OPRM1: variants seen among roughly 807,000 people sequenced by gnomAD.
The protein encoded by OPRM1 is opioid receptor mu 1, also known as mu-type opioid receptor.
Under a neutral mutation model 31.8 loss-of-function variants are expected in OPRM1, and 27 were observed. The ratio of observed to expected loss-of-function variants is 0.85; its 90% CI spans 0.63 to 1.17. The LOEUF is 1.17. OPRM1 is among the 50% of genes most tolerant of loss of function. The probability of loss-of-function intolerance (pLI) is 0.00; values close to 1 mark genes in which losing one functional copy is unlikely to be tolerated. For synonymous variants in OPRM1, 196 were observed against 189.9 expected, an observed-to-expected ratio of 1.03 and a Z score of -0.26; for missense variants, 536 against 511.1, an observed-to-expected ratio of 1.05 and a Z score of -0.47.
At chr6:154,169,775 T>G (rs1799727983) in intron 3 of OPRM1, among the ~76,000 whole-genome samples, 1 of 152,226 alleles carries the variant, frequency 6.6e-6, no homozygotes, top group Admixed American at 6.5e-5. Context: ...CAATGGCAGT[T>G]CCACCATTCT....
intron 3 of OPRM1, among the ~76,000 whole-genome samples, chr6:154,164,962 C>T (rs1799311465): frequency 1.3e-5 from 2 of 152,138 alleles, no homozygotes; most frequent in African/African-American, 4.8e-5. Context: ...TGCATTCATT[C>T]CAGTACTATC....
At chr6:154,092,540 G>A (rs1214529326) in intron 3 of OPRM1, among the ~76,000 whole-genome samples, 1 of 152,142 alleles carries the variant, frequency 6.6e-6, no homozygotes, top group Non-Finnish European at 1.5e-5. Flanking sequence ...AGATGGCTCC[G>A]GAGAAATGAA....
At chr6:154,227,554 G>A (rs1188787971) in intron 3 of OPRM1, among the ~76,000 whole-genome samples, 1 of 151,936 alleles carries the variant, frequency 6.6e-6, no homozygotes, top group African/African-American at 2.4e-5. Flanking sequence ...TCCCATCTCT[G>A]CAAAAGTATA....
At chr6:154,133,852 A>G (rs1797990966), downstream of OPRM1, among the ~76,000 whole-genome samples, 2 of 152,326 alleles carry the variant, frequency 1.3e-5, no homozygotes, top group East Asian at 3.9e-4. Context: ...TTGACCCTTT[A>G]CATTTCTGTA....
chr6:154,074,853 T>A (rs1339886679), intron 1 of OPRM1, among the ~76,000 whole-genome samples: 1 of 151,616 alleles, frequency 6.6e-6, no homozygotes, highest in Admixed American at 6.6e-5. Context: ...ACACAAAAGA[T>A]ACTAGAAGGA....
At chr6:154,209,915 A>G (rs1319155776) in intron 3 of OPRM1, among the ~76,000 whole-genome samples, 1 of 152,254 alleles carries the variant, frequency 6.6e-6, no homozygotes, top group Non-Finnish European at 1.5e-5. Flanking sequence ...AAAAATGCTC[A>G]ACTTAGAACT....
In OPRM1 at chr6:154,168,171, G is replaced by C; in HGVS notation, c.1164+76699G>C. On this transcript the variant is annotated intron_variant, in intron 3 of 3. Coordinates refer to the OPRM1 transcript ENST00000337049. This position sits in a 1 kb window ranked among gnomAD's most constrained non-coding sequence, Gnocchi z 4.1. ...TAAACCCAGTGAAAAATCAAGGAGA[G>C]AACATTCAATACTGTGGTCCCAAGG... The C allele has an allele frequency of 7.4e-7, 1 of 1,343,026 alleles. No individual in the cohort carries two copies. Among genetic ancestry groups the C allele is most frequent in the Non-Finnish European group, 1.0e-6 (1 of 983,080 alleles). 83.2% of individuals were successfully genotyped at this position (1,343,026 alleles called of 1,614,324 possible). A position where few individuals can be genotyped will look rare whatever the true frequency, so the allele number is the denominator to read the frequency against.
At chr6:154,156,781 G>C (rs1798734646) in intron 3 of OPRM1, 1 of 152,196 alleles carries the variant, frequency 6.6e-6, no homozygotes, top group Non-Finnish European at 1.5e-5. Flanking sequence ...GCAGGGCTCA[G>C]AGTGTCTATT....
chr6:154,022,835 C>A lies in OPRM1; in HGVS notation c.-1+11817C>A, dbSNP rs187649247. The stretch of plus-strand genomic sequence containing the variant: ...TTTCTCCCAATGTATGTTCTTGACA[C>A]CTTTGTAAAAAACTGAGTTCACTGT... On this transcript the variant is annotated intron_variant, in intron 1 of 5. Coordinates refer to the OPRM1 transcript ENST00000434900. Among the ~76,000 whole-genome samples, 41 of 151,924 alleles carry A rather than the reference C, an allele frequency of 2.7e-4. 2 individuals are homozygous for A. In the South Asian group the frequency reaches 4.8e-3, roughly 18 times the overall value.
chr6:154,191,675 AC>A (rs1801899259), intron 3 of OPRM1, among the ~76,000 whole-genome samples: 1 of 19,650 alleles, frequency 5.1e-5, no homozygotes, highest in African/African-American at 3.5e-4. Flanking sequence ...CTTTGCCTCA[AC>A]AACAACAACA....
At chr6:154,145,899 A>G (rs1176527008) in intron 3 of OPRM1, among the ~76,000 whole-genome samples, 1 of 152,246 alleles carries the variant, frequency 6.6e-6, no homozygotes, top group Non-Finnish European at 1.5e-5. Flanking sequence ...GTTTTCAACA[A>G]ATGGTGCTGG....
At chr6:154,224,949 A>G (rs1250592762) in intron 3 of OPRM1, among the ~76,000 whole-genome samples, 1 of 152,200 alleles carries the variant, frequency 6.6e-6, no homozygotes, top group African/African-American at 2.4e-5. Context: ...TGTACAATGC[A>G]CAGTGCTTCC....
At chr6:154,047,684 C>A (rs1482818203) in intron 1 of OPRM1, among the ~76,000 whole-genome samples, 1 of 152,110 alleles carries the variant, frequency 6.6e-6, no homozygotes, top group Non-Finnish European at 1.5e-5. Context: ...GGATATGTGT[C>A]TGTCCAGGCA....
At chr6:154,034,777 C>T (rs1052138845), upstream of OPRM1, among the ~76,000 whole-genome samples, 4 of 152,104 alleles carry the variant, frequency 2.6e-5, no homozygotes, top group Non-Finnish European at 5.9e-5. Flanking sequence ...TGGCAAACCT[C>T]TGTAACTGGA....
At chr6:154,102,043 G>A (rs920250697) in intron 3 of OPRM1, among the ~76,000 whole-genome samples, 1 of 152,086 alleles carries the variant, frequency 6.6e-6, no homozygotes, top group Admixed American at 6.6e-5. Context: ...AGGCTCCAGT[G>A]ATCCTCCTGC....
chr6:154,103,036 C>T (rs555162533), intron 3 of OPRM1, among the ~76,000 whole-genome samples: 45 of 151,618 alleles, frequency 3.0e-4, no homozygotes, highest in African/African-American at 9.9e-4. Context: ...GCTTGAGACA[C>T]TATTAAGAAA....
intron 1 of OPRM1, among the ~76,000 whole-genome samples, chr6:154,033,739 T>A (rs762912657): frequency 6.6e-6 from 1 of 152,208 alleles, no homozygotes; most frequent in Non-Finnish European, 1.5e-5. Context: ...AGCTGAGACA[T>A]TTTTATGATG....
intron 3 of OPRM1, among the ~76,000 whole-genome samples, chr6:154,197,468 C>T (rs1776707037): frequency 6.6e-6 from 1 of 152,104 alleles, no homozygotes; most frequent in Non-Finnish European, 1.5e-5. Context: ...GCCAACAAAT[C>T]AATGAGAGAA....
At chr6:154,139,845 G>A (rs1005173521) in intron 3 of OPRM1, among the ~76,000 whole-genome samples, 1 of 152,084 alleles carries the variant, frequency 6.6e-6, no homozygotes, top group Non-Finnish European at 1.5e-5. Flanking sequence ...TATATGAAAT[G>A]GAAGACATGA....
Sources: gnomAD v4.1 joint callset for allele counts (sites outside exome capture counted in the v4.1 genomes callset) on GRCh38, gnomAD v4.1.1 for gene constraint, Gnocchi (gnomAD v3.1) non-coding constraint, MANE v1.5 for transcripts, NCBI Gene and HGNC (gene_info 2026-07-23, HGNC 2026-07-21) for gene names.